ZNF544: variants seen among roughly 807,000 people sequenced by gnomAD.
The protein encoded by ZNF544 is zinc finger protein 544.
In ZNF544, 10 loss-of-function variants were observed where a neutral mutation model predicts 13.5. The observed-to-expected ratio is 0.74, with a 90% CI of 0.46 to 1.25. The LOEUF (loss-of-function observed/expected upper bound fraction) is 1.25. ZNF544 is among the 50% of genes most tolerant of loss of function. The pLI is 0.00. For synonymous variants in ZNF544, 323 were observed against 300.5 expected, an observed-to-expected ratio of 1.07 and a Z score of -0.77; for missense variants, 896 against 845.6, an observed-to-expected ratio of 1.06 and a Z score of -0.74.
chr19:58,241,187 T>TAATA (rs1425417671), intron 3 of ZNF544, among the ~76,000 whole-genome samples: 1 of 50,638 alleles, frequency 2.0e-5, no homozygotes, highest in East Asian at 3.7e-4. Flanking sequence ...ATATTTTTTT[T>TAATA]TTTTTGTAGA....
At chr19:58,232,779 A>T (rs767885510) in intron 3 of ZNF544, among the ~76,000 whole-genome samples, 16,193 of 147,780 alleles carry the variant, frequency 0.11, 1,520 homozygotes, top group East Asian at 0.35. Flanking sequence ...AAAAAAAAAA[A>T]AAAAAAAAAT....
At chr19:58,272,163 GAAAAAA>G (rs5828754) in intron 5 of ZNF544, among the ~76,000 whole-genome samples, 1 of 128,014 alleles carries the variant, frequency 7.8e-6, no homozygotes. Flanking sequence ...TCCTTGACAG[GAAAAAA>G]AAAAAAAAAA....
chr19:58,251,768 G>A (rs1294787437), intron 6 of ZNF544, among the ~76,000 whole-genome samples: 1 of 152,152 alleles, frequency 6.6e-6, no homozygotes, highest in Non-Finnish European at 1.5e-5. Context: ...AGAGGGCTAT[G>A]GGCAGTAAGC....
intron 3 of ZNF544, among the ~76,000 whole-genome samples, chr19:58,241,680 G>A (rs2043906825): frequency 6.6e-6 from 1 of 151,818 alleles, no homozygotes; most frequent in Admixed American, 6.6e-5. Context: ...GTATTTTTTA[G>A]TAGAGACAGG....
At chr19:58,272,551 G>T (rs551389652) in intron 5 of ZNF544, among the ~76,000 whole-genome samples, 1 of 151,246 alleles carries the variant, frequency 6.6e-6, no homozygotes, top group South Asian at 2.1e-4. Context: ...GTGAGACCCT[G>T]TTTCTTTAAA....
Position 58,261,524 on chromosome 19 carries a change from C to G in ZNF544, c.918C>G (p.Thr306=), listed in dbSNP as rs1017073859. Reference sequence around the variant, plus strand: ...ATGAGTGTGATGAGTGCAGGGAAACCTGTTCTGAGAGTCTGTGCCTTGTAC... The same window carrying G: ...ATGAGTGTGATGAGTGCAGGGAAACGTGTTCTGAGAGTCTGTGCCTTGTAC... The part of the protein sequence containing the change: ...SQYECDECRE[T]CSESLCLVQT... Residue 306 remains threonine, a synonymous_variant, in exon 7 of 7, where the codon ACC becomes ACG. Coordinates refer to ENST00000687789, the MANE Select transcript of ZNF544 (RefSeq NM_014480.4). The G allele has an allele frequency of 1.2e-6, 2 of 1,614,170 alleles. No individual in the cohort carries two copies. The highest frequency in any genetic ancestry group is 1.7e-6 in the Non-Finnish European group (2 of 1,180,032).
Position 58,262,162 on chromosome 19 carries a change from C to T in ZNF544, c.1556C>T (p.Pro519Leu). The change falls in exon 7 of 7, where the codon CCC (proline) becomes CTC (leucine). Residue 519 changes from proline to leucine, a missense_variant. Transcript: ENST00000687789. ...CAGAGGACACACACTGGAGAGAAGC[C>T]CTATGAGTGCAACCTGTGTGGGAAA... ...VHQRTHTGEK[P>L]YECNLCGKSF... 6.2e-7 allele frequency: 1 copy of T among 1,613,746 alleles called. No homozygotes were observed. Among genetic ancestry groups the T allele is most frequent in the Non-Finnish European group, 8.5e-7 (1 of 1,179,966 alleles).
intron 3 of ZNF544, chr19:58,242,184 T>G: frequency 1.0e-5 from 10 of 966,304 alleles, no homozygotes; most frequent in South Asian, 4.8e-5. Context: ...CTGCGAGTGT[T>G]GAGGCTGCTG....
Position 58,262,461 on chromosome 19 carries a change from C to T in ZNF544, c.1855C>T (p.Leu619Phe), listed in dbSNP as rs778104301. Residue 619 changes from leucine to phenylalanine, a missense_variant, in exon 7 of 7, where the codon CTC (leucine) becomes TTC (phenylalanine). Coordinates refer to ENST00000687789, the MANE Select transcript of ZNF544 (RefSeq NM_014480.4). ...AAAAGCCTTCAATCGAAGCACTCAG[C>T]TCATCAGGCATCTGCAAATTCACAC... ...CGKAFNRSTQ[L>F]IRHLQIHTGE... is the part of the protein sequence containing the mutation. 6.2e-7 allele frequency: 1 copy of T among 1,614,192 alleles called. No individual in the cohort carries two copies. Among genetic ancestry groups the T allele is most frequent in the South Asian group, 1.1e-5 (1 of 91,084 alleles).
At chr19:58,242,260 CAGG>C (rs1381118356) in intron 3 of ZNF544, 4 of 985,182 alleles carry the variant, frequency 4.1e-6, no homozygotes, top group Non-Finnish European at 4.8e-6. Flanking sequence ...GCAACATCTG[CAGG>C]AGATGATGCT....
rs199600767 is a variant in ZNF544, at chr19:58,262,503, A to G, written c.1897A>G (p.Lys633Glu). ...AATTCACACTGGGGAGAAGCCGTAC[A>G]AATGCAATCAGTGCAATAAAGCCTT... ...LQIHTGEKPY[K>E]CNQCNKAFAR... The change falls in exon 7 of 7, where the codon AAA (lysine) becomes GAA (glutamate). Residue 633 changes from lysine (K) to glutamate (E), a missense_variant. Lys to Glu is a moderately conservative substitution (Grantham distance 56). Transcript: ENST00000687789. The G allele has an allele frequency of 2.3e-4, 368 of 1,614,084 alleles. No individual in the cohort carries two copies. Among genetic ancestry groups the G allele is most frequent in the Non-Finnish European group, 3.0e-4 (355 of 1,180,038 alleles).
intron 6 of ZNF544, among the ~76,000 whole-genome samples, chr19:58,254,022 A>G (rs2147331938): frequency 6.6e-6 from 1 of 152,330 alleles, no homozygotes; most frequent in Non-Finnish European, 1.5e-5. Flanking sequence ...CAGGAGATCA[A>G]GACCATCCTG....
chr19:58,250,346 G>A (rs1020721048), intron 6 of ZNF544, among the ~76,000 whole-genome samples: 3 of 152,186 alleles, frequency 2.0e-5, no homozygotes, highest in African/African-American at 4.8e-5. Flanking sequence ...GAGGTGTTTC[G>A]TACTGGGGAA....
chr19:58,240,350 C>T (rs547504474), intron 3 of ZNF544, among the ~76,000 whole-genome samples: 54 of 151,936 alleles, frequency 3.6e-4, no homozygotes, highest in South Asian at 1.2e-3. Context: ...CTCCGCCTCC[C>T]GGGTTCACGC....
chr19:58,276,861 C>T (rs1262777333), intron 6 of ZNF544, among the ~76,000 whole-genome samples: 1 of 152,222 alleles, frequency 6.6e-6, no homozygotes, highest in Non-Finnish European at 1.5e-5. Context: ...CTCTGCAAAA[C>T]GGAATGAGAG....
At chr19:58,273,689 C>CAAA (rs919160966) in intron 5 of ZNF544, among the ~76,000 whole-genome samples, 1 of 60,388 alleles carries the variant, frequency 1.7e-5, no homozygotes, top group African/African-American at 5.7e-5. Context: ...GACTCTGTCT[C>CAAA]AAAAAAAAAA....
At chr19:58,237,644 A>G (rs953252482) in intron 3 of ZNF544, among the ~76,000 whole-genome samples, 1 of 151,954 alleles carries the variant, frequency 6.6e-6, no homozygotes, top group Non-Finnish European at 1.5e-5. Context: ...TTCCCCACTC[A>G]TCCATGGAGA....
chr19:58,241,179 A>ATATATTTTTTT (rs1181835768), intron 3 of ZNF544, among the ~76,000 whole-genome samples: 3 of 72,772 alleles, frequency 4.1e-5, no homozygotes, highest in African/African-American at 1.8e-4. Context: ...ATATATATAT[A>ATATATTTTTTT]TTTTTTTTTT....
At chr19:58,276,324 G>T in exon 6 of ZNF544, 2 of 1,231,128 alleles carry the variant, frequency 1.6e-6, no homozygotes, top group Non-Finnish European at 2.0e-6. Flanking sequence ...TGCCTACAGA[G>T]AAGGGGATGC....
Sources: allele counts gnomAD v4.1 joint callset (sites outside exome capture counted in the v4.1 genomes callset), GRCh38; gene constraint gnomAD v4.1.1; transcripts MANE v1.5; gene names NCBI Gene and HGNC (gene_info 2026-07-23, HGNC 2026-07-21).